RNF141: variants seen among roughly 807,000 people sequenced by gnomAD.
RNF141 encodes ring finger protein 141, also known as C3HC4-like zinc finger protein.
RNF141 carries 18 observed loss-of-function variants against 27.4 expected under a neutral mutation model. That is an observed-to-expected ratio of 0.66 (90% CI 0.45 to 0.97). The LOEUF is 0.97. RNF141 is among the 50% of genes least tolerant of loss of function. The probability of loss-of-function intolerance (pLI) is 0.00; values close to 1 mark genes in which losing one functional copy is unlikely to be tolerated. For missense variants in RNF141, 230 were observed against 279.4 expected (o/e 0.82, Z 1.26); for synonymous variants, 97 against 96.6 (o/e 1.00, Z -0.02).
At position 10,514,852 on chromosome 11, in the gene RNF141, A is replaced by G. The variant is rs965320426; in HGVS notation, c.*64T>C. The G allele has an allele frequency of 2.0e-6, 3 of 1,504,680 alleles. No homozygotes were observed. Among genetic ancestry groups the G allele is most frequent in the African/African-American group, 2.8e-5 (2 of 71,648 alleles). 93.2% of individuals were successfully genotyped at this position (1,504,680 alleles called of 1,614,324 possible). ...GTGTCTGTGCCAGTGCCACAACCCTACATTCTTCCCCCATGACCAAATATT... is the reference window on the plus strand; with the variant it reads ...GTGTCTGTGCCAGTGCCACAACCCTGCATTCTTCCCCCATGACCAAATATT... On this transcript the variant is annotated 3_prime_UTR_variant, in exon 6 of 6. Coordinates refer to ENST00000265981, the MANE Select transcript of RNF141 (RefSeq NM_016422.4).
At chr11:10,525,944 C>T (rs932048428) in intron 3 of RNF141, among the ~76,000 whole-genome samples, 4 of 152,086 alleles carry the variant, frequency 2.6e-5, no homozygotes, top group African/African-American at 9.7e-5. Flanking sequence ...AACCAGTGGC[C>T]CAAAGGTTGT....
At chr11:10,530,607 C>A in intron 3 of RNF141, 36 bp downstream of exon 3, 1 of 1,219,574 alleles carries the variant, frequency 8.2e-7, no homozygotes, top group Non-Finnish European at 1.2e-6. Flanking sequence ...ACCAAAATAG[C>A]TTAAGCTCAG....
At position 10,534,197 on chromosome 11, in the gene RNF141, A is replaced by G; in HGVS notation, c.-39T>C. 1 of 1,601,156 alleles carries G rather than the reference A, an allele frequency of 6.2e-7. No individual in the cohort carries two copies. Among genetic ancestry groups the G allele is most frequent in the Non-Finnish European group, 8.5e-7 (1 of 1,173,522 alleles). ...CTTTCAAAATCCAGAGTGTTGCTTCACATAGTTTCTGTCAAATATACAGAA... is the reference window on the plus strand; with the variant it reads ...CTTTCAAAATCCAGAGTGTTGCTTCGCATAGTTTCTGTCAAATATACAGAA... On this transcript the variant is annotated 5_prime_UTR_variant, in exon 2 of 6. An upstream open reading frame in the 5' UTR loses its in-frame stop. Coordinates refer to ENST00000265981, the MANE Select transcript of RNF141 (RefSeq NM_016422.4).
chr11:10,520,882 G>A (rs1245760050), intron 4 of RNF141, among the ~76,000 whole-genome samples: 1 of 152,138 alleles, frequency 6.6e-6, no homozygotes, highest in Non-Finnish European at 1.5e-5. Context: ...ACATTGTTAG[G>A]TGATACATGA....
At position 10,512,029 on chromosome 11, in the gene RNF141, A is replaced by G. The variant is rs1009034025; in HGVS notation, c.*2887T>C. ...CAACCTCTAAATTCAGTACATAGTA[A>G]AATTCATTTTCTCAAACTAAGGTTC... On this transcript the variant is annotated 3_prime_UTR_variant, in exon 6 of 6. Coordinates refer to ENST00000265981, the MANE Select transcript of RNF141 (RefSeq NM_016422.4). 2.6e-5 allele frequency: 4 copies of G among 152,652 alleles called. No homozygotes were observed. The highest frequency in any genetic ancestry group is 9.6e-5 in the African/African-American group (4 of 41,454). 9.5% of individuals were successfully genotyped at this position (152,652 alleles called of 1,614,324 possible). A position where few individuals can be genotyped will look rare whatever the true frequency, so the allele number is the denominator to read the frequency against.
chr11:10,528,350 T>C (rs1849958337), intron 3 of RNF141, among the ~76,000 whole-genome samples: 1 of 152,182 alleles, frequency 6.6e-6, no homozygotes. Context: ...AAAAATTTCT[T>C]TAGAGTAGCT....
rs1211646441 is a variant in RNF141 at position 10,520,264 on chromosome 11, TAAC to T, written c.435-1126_435-1124del. Among the ~76,000 whole-genome samples, 20 of 151,846 alleles carry T rather than the reference TAAC, an allele frequency of 1.3e-4. No individual in the cohort carries two copies. In the East Asian group the frequency reaches 2.7e-3, roughly 20 times the overall value. Reference sequence around the variant, plus strand: ...ACTTTTAACTTTTTGACTCTTTTTGTAACAACACTTACCTTAAAACACACATTA... The same window carrying T: ...ACTTTTAACTTTTTGACTCTTTTTGTAACACTTACCTTAAAACACACATTA... On this transcript the variant is annotated intron_variant, in intron 4 of 5. Coordinates refer to ENST00000265981, the MANE Select transcript of RNF141 (RefSeq NM_016422.4).
intron 1 of RNF141, among the ~76,000 whole-genome samples, chr11:10,536,087 T>C (rs1294493762): frequency 3.3e-5 from 5 of 151,958 alleles, no homozygotes; most frequent in African/African-American, 9.7e-5. Flanking sequence ...AATTACAAAA[T>C]GAGAAGTGCT....
intron 5 of RNF141, 124 bp from the exon 6 acceptor site, chr11:10,515,190 A>G: frequency 6.6e-6 from 7 of 1,061,058 alleles, no homozygotes; most frequent in Non-Finnish European, 9.3e-6. Flanking sequence ...AGTGAAAAAT[A>G]AATCCCTCCC....
intron 5 of RNF141, 152 bp from the exon 6 acceptor site, chr11:10,515,218 A>G: frequency 2.3e-6 from 2 of 856,678 alleles, no homozygotes; most frequent in Non-Finnish European, 1.7e-6. Context: ...TCAATCTTCA[A>G]TTCTCTTTCC....
intron 2 of RNF141, among the ~76,000 whole-genome samples, chr11:10,531,391 T>TGACAC (rs1849985388): frequency 2.0e-5 from 2 of 98,660 alleles, no homozygotes; most frequent in Non-Finnish European, 4.4e-5. Context: ...AAAAAAAAGG[T>TGACAC]TAGCTAGTGT....
At chr11:10,526,549 C>T (rs1052012442) in intron 3 of RNF141, among the ~76,000 whole-genome samples, 4 of 152,022 alleles carry the variant, frequency 2.6e-5, no homozygotes, top group South Asian at 2.1e-4. Flanking sequence ...TTTGGGAGGC[C>T]GAGGTGGGCA....
chr11:10,524,113 G>A (rs1849911052), intron 4 of RNF141, among the ~76,000 whole-genome samples: 1 of 152,028 alleles, frequency 6.6e-6, no homozygotes, highest in South Asian at 2.1e-4. Context: ...AAATAGAGCA[G>A]TAAAAAAAAA....
At chr11:10,521,610 G>A (rs1457957235) in intron 4 of RNF141, among the ~76,000 whole-genome samples, 1 of 152,134 alleles carries the variant, frequency 6.6e-6, no homozygotes, top group African/African-American at 2.4e-5. Flanking sequence ...TGATTTGAAT[G>A]TAAAAATAAA....
At chr11:10,531,888 T>C (rs1849989203) in intron 2 of RNF141, 1 of 261,372 alleles carries the variant, frequency 3.8e-6, no homozygotes, top group Non-Finnish European at 7.9e-6. Context: ...CTCTGTTTTC[T>C]AGCTGCCAAG....
At chr11:10,527,652 G>GTT (rs569910081) in intron 3 of RNF141, among the ~76,000 whole-genome samples, 1 of 152,014 alleles carries the variant, frequency 6.6e-6, no homozygotes, top group Non-Finnish European at 1.5e-5. Flanking sequence ...TCACGGGGGG[G>GTT]GGTTTTGAGC....
chr11:10,517,867 T>C (rs1849855064), intron 5 of RNF141: 1 of 152,150 alleles, frequency 6.6e-6, no homozygotes, highest in African/African-American at 2.4e-5. Flanking sequence ...GGATACAAGG[T>C]TGATATACAA....
intron 4 of RNF141, among the ~76,000 whole-genome samples, chr11:10,524,550 T>A (rs1325442830): frequency 6.6e-6 from 1 of 152,202 alleles, no homozygotes; most frequent in Admixed American, 6.5e-5. Flanking sequence ...CAATGAGATA[T>A]TTACAAATTT....
At chr11:10,525,064 G>A in intron 4 of RNF141, 128 bp downstream of exon 4, 1 of 621,622 alleles carries the variant, frequency 1.6e-6, no homozygotes, top group Non-Finnish European at 2.5e-6. Context: ...ACTGATCTCA[G>A]ATACAATACC....
Sources: gnomAD v4.1 joint callset for allele counts (sites outside exome capture counted in the v4.1 genomes callset) on GRCh38, gnomAD v4.1.1 for gene constraint, MANE v1.5 for transcripts, NCBI Gene and HGNC (gene_info 2026-07-23, HGNC 2026-07-21) for gene names.